LINC00632: variants seen among roughly 807,000 people sequenced by gnomAD.
The protein encoded by LINC00632 is long independently transcribed non-coding RNA 632.
chrX:140,744,222 T>A (rs889730058), intron 3 of LINC00632, among the ~76,000 whole-genome samples: 2 of 110,982 alleles, frequency 1.8e-5, no homozygotes, highest in African/African-American at 6.6e-5. Flanking sequence ...GACTTCCAGC[T>A]GCTTCACAAC....
intron 3 of LINC00632, among the ~76,000 whole-genome samples, chrX:140,760,150 G>C (rs1602749106): frequency 8.9e-6 from 1 of 111,861 alleles, no homozygotes; most frequent in East Asian, 2.8e-4. Context: ...AAGTGATGTG[G>C]GAGCCTGGGG....
intron 2 of LINC00632, among the ~76,000 whole-genome samples, chrX:140,724,407 T>C (rs1186274373): frequency 3.7e-5 from 3 of 81,118 alleles, no homozygotes; most frequent in African/African-American, 1.4e-4. Flanking sequence ...ACACATTCCA[T>C]ACACATACAC....
intron 3 of LINC00632, among the ~76,000 whole-genome samples, chrX:140,748,853 A>G (rs1291075209): frequency 1.1e-5 from 1 of 87,219 alleles, no homozygotes. Context: ...TATTTTATAT[A>G]TATGATATAT....
At chrX:140,756,140 G>C (rs1419152061) in intron 3 of LINC00632, among the ~76,000 whole-genome samples, 1 of 111,907 alleles carries the variant, frequency 8.9e-6, no homozygotes. Context: ...TCATCAAAGA[G>C]ACATTACATG....
At chrX:140,755,762 T>G (rs1304794290) in intron 3 of LINC00632, among the ~76,000 whole-genome samples, 1 of 111,193 alleles carries the variant, frequency 9.0e-6, no homozygotes, top group African/African-American at 3.3e-5. Flanking sequence ...CCTATCTCCA[T>G]TCCCCTGGCA....
chrX:140,783,868 C>T, exon 5 of LINC00632: 2 of 1,210,006 alleles, frequency 1.7e-6, no homozygotes. Context: ...CCACGTCTTC[C>T]CAACAATCCA....
chrX:140,762,242 A>AGAGAGAGGGAGAGAGAGAGAGAGAGAGC (rs1286418753), intron 3 of LINC00632, among the ~76,000 whole-genome samples: 13 of 99,793 alleles, frequency 1.3e-4, no homozygotes, highest in African/African-American at 3.8e-4. Context: ...AGAGAGAGAG[A>AGAGAGAGGGAGAGAGAGAGAGAGAGAGC]GCACTCTTAT....
At chrX:140,735,044 C>T (rs143938613) in intron 3 of LINC00632, among the ~76,000 whole-genome samples, 50 of 111,470 alleles carry the variant, frequency 4.5e-4, no homozygotes, top group African/African-American at 1.5e-3. Context: ...GGATTACAGG[C>T]ATGAGCCACC....
chrX:140,737,438 G>A (rs887890605), intron 3 of LINC00632, among the ~76,000 whole-genome samples: 12 of 111,510 alleles, frequency 1.1e-4, no homozygotes, highest in Non-Finnish European at 1.5e-4. Flanking sequence ...GCTATCACCT[G>A]AGTATTTATC....
intron 3 of LINC00632, among the ~76,000 whole-genome samples, chrX:140,747,529 CAAAAAA>C (rs376796176): frequency 1.6e-5 from 1 of 63,248 alleles, no homozygotes; most frequent in Admixed American, 2.1e-4. Context: ...AAACTCCATC[CAAAAAA>C]AAAAAAAAAA....
chrX:140,713,219 C>G (rs946712587), intron 2 of LINC00632, among the ~76,000 whole-genome samples: 2 of 109,858 alleles, frequency 1.8e-5, no homozygotes, highest in Non-Finnish European at 3.8e-5. Context: ...TTTAGCCACT[C>G]CTTTTCTTTC....
exon 5 of LINC00632, among the ~76,000 whole-genome samples, chrX:140,790,749 T>C (rs1012472660): frequency 9.0e-6 from 1 of 111,500 alleles, no homozygotes; most frequent in African/African-American, 3.3e-5. Context: ...TAGGCTTATT[T>C]GTTTATAGTT....
chrX:140,756,016 GA>G (rs1031277627), intron 3 of LINC00632, among the ~76,000 whole-genome samples: 2 of 110,576 alleles, frequency 1.8e-5, no homozygotes, highest in African/African-American at 6.6e-5. Flanking sequence ...GTAAGTGCTT[GA>G]AAAAAAAGTA....
intron 2 of LINC00632, among the ~76,000 whole-genome samples, chrX:140,723,864 C>T (rs1328509885): frequency 5.3e-5 from 5 of 93,472 alleles, no homozygotes; most frequent in Non-Finnish European, 1.1e-4. Flanking sequence ...ACATTCCATA[C>T]ACACACCTTC....
At chrX:140,737,140 T>C (rs866774440) in intron 3 of LINC00632, among the ~76,000 whole-genome samples, 3 of 110,251 alleles carry the variant, frequency 2.7e-5, no homozygotes, top group African/African-American at 9.9e-5. Flanking sequence ...ACTCAAGCAA[T>C]CCATTTGCCT....
At chrX:140,711,589 A>G in intron 1 of LINC00632, 1 of 311,549 alleles carries the variant, frequency 3.2e-6, no homozygotes, top group Non-Finnish European at 6.3e-6. Context: ...CCATATAAAT[A>G]TCTGTGTGCT....
Position 140,762,209 on chromosome X carries a change from A to AAGAGAGAGAGAGAGAG in LINC00632, n.192-9850_192-9835dup, listed in dbSNP as rs35880613. Among the ~76,000 whole-genome samples, 122 of 67,129 alleles carry AAGAGAGAGAGAGAGAG rather than the reference A, an allele frequency of 1.8e-3. 1 individual carries two copies. The highest frequency in any genetic ancestry group is 6.0e-3 in the African/African-American group (117 of 19,402). The allele number at this position is 67,129 out of a possible 115,157, so 58.3% of individuals were successfully genotyped here. ...ATAGCGACCTCGTCAGTTTTTCGAA[A>AAGAGAGAGAGAGAGAG]AGAGAGAGAGAGAGAGAGAGAGAGA... On this transcript the variant is annotated intron_variant and non_coding_transcript_variant, in intron 3 of 4. Coordinates refer to ENST00000648200, the Ensembl canonical transcript of LINC00632.
At chrX:140,720,158 A>G (rs1350399204) in intron 2 of LINC00632, among the ~76,000 whole-genome samples, 1 of 111,274 alleles carries the variant, frequency 9.0e-6, no homozygotes, top group Admixed American at 9.6e-5. Context: ...ATGCATGGAT[A>G]GAACCACAAT....
At chrX:140,720,521 G>A in intron 2 of LINC00632, among the ~76,000 whole-genome samples, 1 of 111,499 alleles carries the variant, frequency 9.0e-6, no homozygotes, top group Non-Finnish European at 1.9e-5. Flanking sequence ...ACACTTTCTT[G>A]CTCCATAACA....
Sources: gnomAD v4.1 joint callset for allele counts (sites outside exome capture counted in the v4.1 genomes callset) on GRCh38, gnomAD v4.1.1 for gene constraint, MANE v1.5 for transcripts, NCBI Gene and HGNC (gene_info 2026-07-23, HGNC 2026-07-21) for gene names.